The following IL16 variants were observed in gnomAD, a reference collection of about 807,000 sequenced individuals.
IL16 encodes pro-interleukin-16.
In IL16, 67 loss-of-function variants were observed where a neutral mutation model predicts 110.1. The ratio of observed to expected loss-of-function variants is 0.61; its 90% CI spans 0.50 to 0.75. IL16 has a LOEUF of 0.75. Among genes scored for constraint, IL16 ranks in the 30% least tolerant of loss-of-function variants. IL16 has a pLI of 0.00. For missense variants in IL16, 1,545 were observed against 1,655.0 expected (o/e 0.93, Z 1.15); for synonymous variants, 689 against 662.9 (o/e 1.04, Z -0.61).
chr15:81,266,091 T>C (rs1180298609), intron 4 of IL16, among the ~76,000 whole-genome samples: 1 of 152,234 alleles, frequency 6.6e-6, no homozygotes, highest in Non-Finnish European at 1.5e-5. Context: ...GGGGGGACCC[T>C]GAACTATGGC....
chr15:81,201,485 G>A (rs1163203584), intron 1 of IL16, among the ~76,000 whole-genome samples: 2 of 152,172 alleles, frequency 1.3e-5, no homozygotes, highest in Non-Finnish European at 2.9e-5. Flanking sequence ...CTCCAGGAAG[G>A]AGATCTTAGT....
intron 1 of IL16, among the ~76,000 whole-genome samples, chr15:81,224,772 T>G (rs1896732033): frequency 6.6e-6 from 1 of 152,182 alleles, no homozygotes; most frequent in Non-Finnish European, 1.5e-5. Flanking sequence ...CTCAGCTCCA[T>G]GGATTCTGGG....
chr15:81,277,699 G>A (rs144336276), intron 6 of IL16, among the ~76,000 whole-genome samples: 1,653 of 152,188 alleles, frequency 0.011, 31 homozygotes, highest in African/African-American at 0.038. Context: ...TTAGAGGTGT[G>A]AGCCACAGTG....
At chr15:81,199,030 A>AATATATAT (rs60097662) in intron 1 of IL16, among the ~76,000 whole-genome samples, 29 of 104,140 alleles carry the variant, frequency 2.8e-4, no homozygotes, top group Middle Eastern at 9.0e-3. Flanking sequence ...AAAAAAAAAA[A>AATATATAT]ATATATATAT....
chr15:81,293,108 A>C, intron 12 of IL16, 71 bp downstream of exon 12: 1 of 1,493,670 alleles, frequency 6.7e-7, no homozygotes, highest in Non-Finnish European at 9.0e-7. Context: ...GCAAATTAGC[A>C]AGTTAGTGTT....
intron 18 of IL16, among the ~76,000 whole-genome samples, chr15:81,307,097 C>T (rs973371638): frequency 1.3e-5 from 2 of 152,118 alleles, no homozygotes; most frequent in Admixed American, 1.3e-4. Context: ...ACAAACCAGT[C>T]TGATATGGGG....
At chr15:81,268,558 C>T (rs747966298) in intron 4 of IL16, among the ~76,000 whole-genome samples, 12 of 152,358 alleles carry the variant, frequency 7.9e-5, no homozygotes, top group Non-Finnish European at 1.5e-4. Flanking sequence ...GTCAGCAGCC[C>T]GGGATCCTGG....
chr15:81,196,200 A>G (rs1895593235), upstream of IL16, among the ~76,000 whole-genome samples: 1 of 152,226 alleles, frequency 6.6e-6, no homozygotes, highest in African/African-American at 2.4e-5. Context: ...CAGACAAGAA[A>G]TGAAATGCTA....
chr15:81,246,130 A>C (rs1897538842), intron 2 of IL16, among the ~76,000 whole-genome samples: 1 of 152,058 alleles, frequency 6.6e-6, no homozygotes, highest in Non-Finnish European at 1.5e-5. Context: ...CCTTTCTTTT[A>C]ATTTTTTACA....
chr15:81,186,407 C>T (rs1179689494), intron 1 of IL16, among the ~76,000 whole-genome samples: 1 of 152,130 alleles, frequency 6.6e-6, no homozygotes, highest in Non-Finnish European at 1.5e-5. Flanking sequence ...ATCCTAAAGC[C>T]TGTACTCTTA....
At position 81,236,595 on chromosome 15, in the gene IL16, C is replaced by A. The variant is rs534260873; in HGVS notation, c.312+10884C>A. ...CCTGAAAGCTAGTTTTAGGAGTTGG[C>A]CTTTTGAATTTCATTAGCTCTGGCA... On this transcript the variant is annotated intron_variant, in intron 2 of 18. Coordinates refer to ENST00000683961, the MANE Select transcript of IL16 (RefSeq NM_172217.5). 6.6e-5 allele frequency among the ~76,000 whole-genome samples: 10 copies of A among 152,274 alleles called. No individual in the cohort carries two copies. The South Asian group carries it at 1.7e-3, about 25-fold the overall frequency.
intron 2 of IL16, among the ~76,000 whole-genome samples, chr15:81,227,185 G>A (rs140296381): frequency 5.9e-5 from 9 of 152,166 alleles, no homozygotes; most frequent in East Asian, 5.8e-4. Flanking sequence ...AGCCAGGCAC[G>A]GGAGTGAGCA....
At chr15:81,307,568 A>G (rs1247597200) in intron 18 of IL16, among the ~76,000 whole-genome samples, 1 of 152,226 alleles carries the variant, frequency 6.6e-6, no homozygotes, top group Non-Finnish European at 1.5e-5. Context: ...TTTGAAGGTC[A>G]ATTTGGAAGG....
chr15:81,277,902 A>G (rs1413643657), intron 6 of IL16, among the ~76,000 whole-genome samples: 4 of 152,210 alleles, frequency 2.6e-5, no homozygotes, highest in African/African-American at 9.6e-5. Context: ...TGTGTATTGA[A>G]CAAATTGAAA....
chr15:81,308,977 T>C lies in IL16; in HGVS notation c.*179T>C. 1.9e-6 allele frequency: 1 copy of C among 523,444 alleles called. No homozygotes were observed. The highest frequency in any genetic ancestry group is 3.4e-6 in the Non-Finnish European group (1 of 297,082). The allele number at this position is 523,444 out of a possible 1,614,324, so 32.4% of individuals were successfully genotyped here. A position where few individuals can be genotyped will look rare whatever the true frequency, so the allele number is the denominator to read the frequency against. On this transcript the variant is annotated 3_prime_UTR_variant, in exon 19 of 19. Coordinates refer to ENST00000683961, the MANE Select transcript of IL16 (RefSeq NM_172217.5). ...ACGCCACCCAGCAAAAGGTTGTTCC[T>C]AAAATAAGGGCAGAGTCACACGGGG...
chr15:81,196,796 C>T, upstream of IL16: 1 of 1,085,230 alleles, frequency 9.2e-7, no homozygotes, highest in Non-Finnish European at 1.1e-6. Flanking sequence ...TGGCAGCCCC[C>T]CTTTTTGGAT....
At chr15:81,183,946 C>T (rs182021423) in intron 1 of IL16, among the ~76,000 whole-genome samples, 24 of 152,298 alleles carry the variant, frequency 1.6e-4, no homozygotes, top group Non-Finnish European at 1.2e-4. Flanking sequence ...ATGGCATGTA[C>T]GTATTCAGAG....
At chr15:81,206,168 T>A (rs1251494342) in intron 1 of IL16, among the ~76,000 whole-genome samples, 1 of 152,226 alleles carries the variant, frequency 6.6e-6, no homozygotes, top group Non-Finnish European at 1.5e-5. Flanking sequence ...CAGTCATGTG[T>A]TGCATGGCAA....
Position 81,312,957 on chromosome 15 carries a change from C to T in IL16, c.*4159C>T, listed in dbSNP as rs529370208. On this transcript the variant is annotated 3_prime_UTR_variant, in exon 19 of 19. Coordinates refer to ENST00000683961, the MANE Select transcript of IL16 (RefSeq NM_172217.5). The stretch of plus-strand genomic sequence containing the variant: ...AGAGTGCATCGCATGGTGTCCAGGC[C>T]GAGTCTCTGTCAGATGGTTAGAGGC... The T allele has an allele frequency of 9.7e-5, 19 of 195,008 alleles. No individual in the cohort carries two copies. Among genetic ancestry groups the T allele is most frequent in the East Asian group, 2.5e-4 (2 of 7,982 alleles). The allele number at this position is 195,008 out of a possible 1,614,324, so 12.1% of individuals were successfully genotyped here.
Sources: gnomAD v4.1 joint callset for allele counts (sites outside exome capture counted in the v4.1 genomes callset) on GRCh38, gnomAD v4.1.1 for gene constraint, MANE v1.5 for transcripts, NCBI Gene and HGNC (gene_info 2026-07-23, HGNC 2026-07-21) for gene names.